Variants in HEXB observed in about 807,000 individuals in gnomAD.
HEXB encodes hexosaminidase subunit beta.
In HEXB, 51 loss-of-function variants were observed where a neutral mutation model predicts 71.2. The ratio of observed to expected loss-of-function variants is 0.72; its 90% CI spans 0.57 to 0.90. HEXB has a LOEUF of 0.90. Ranked by LOEUF, HEXB falls within the 40% of genes least tolerant of loss-of-function variation. The pLI is 0.00. For missense variants in HEXB, 617 were observed against 677.0 expected (o/e 0.91, Z 0.98); for synonymous variants, 266 against 249.3 (o/e 1.07, Z -0.63).
At chr5:74,663,782 A>T (rs1748376103) in intron 1 of HEXB, among the ~76,000 whole-genome samples, 1 of 152,208 alleles carries the variant, frequency 6.6e-6, no homozygotes. Flanking sequence ...AAAGACCCAG[A>T]TAGAGAAATA....
chr5:74,675,255 A>G (rs1275969253), intron 1 of HEXB, among the ~76,000 whole-genome samples: 1 of 152,194 alleles, frequency 6.6e-6, no homozygotes, highest in African/African-American at 2.4e-5. Context: ...AAATTTAATC[A>G]GGTATCGAGA....
At chr5:74,654,610 G>C (rs1320181795) in intron 1 of HEXB, among the ~76,000 whole-genome samples, 1 of 152,192 alleles carries the variant, frequency 6.6e-6, no homozygotes, top group Non-Finnish European at 1.5e-5. Flanking sequence ...TTCAGGAGGA[G>C]GTGATTTCTG....
intron 1 of HEXB, among the ~76,000 whole-genome samples, chr5:74,673,949 T>C (rs1748585099): frequency 6.6e-6 from 1 of 152,160 alleles, no homozygotes; most frequent in African/African-American, 2.4e-5. Context: ...TCTGTCAATC[T>C]ACAATAATCA....
chr5:74,644,308 C>T (rs1263599440), intron 1 of HEXB, among the ~76,000 whole-genome samples: 1 of 152,202 alleles, frequency 6.6e-6, no homozygotes, highest in African/African-American at 2.4e-5. Context: ...TTGCTGAATG[C>T]AGCTTGCCCA....
chr5:74,656,300 G>T (rs1295414191), intron 1 of HEXB, among the ~76,000 whole-genome samples: 1 of 151,956 alleles, frequency 6.6e-6, no homozygotes, highest in African/African-American at 2.4e-5. Flanking sequence ...CCAACATGGT[G>T]AAACTCCGTC....
chr5:74,649,230 C>A (rs1040382792), intron 1 of HEXB, among the ~76,000 whole-genome samples: 4 of 152,154 alleles, frequency 2.6e-5, no homozygotes, highest in Non-Finnish European at 5.9e-5. Flanking sequence ...GAGGGCACAG[C>A]TGGGTCATGT....
chr5:74,672,256 C>T (rs552656392), intron 1 of HEXB, among the ~76,000 whole-genome samples: 4 of 152,338 alleles, frequency 2.6e-5, no homozygotes, highest in African/African-American at 9.6e-5. Flanking sequence ...TAGGGCAGCC[C>T]TCCAGGGAAG....
chr5:74,715,214 AT>A (rs1410226406), intron 7 of HEXB, among the ~76,000 whole-genome samples: 3 of 152,206 alleles, frequency 2.0e-5, no homozygotes, highest in Non-Finnish European at 4.4e-5. Context: ...CCAGCAGGGA[AT>A]TTGAAATATG....
At chr5:74,671,905 T>C (rs922047299) in intron 1 of HEXB, among the ~76,000 whole-genome samples, 1 of 152,132 alleles carries the variant, frequency 6.6e-6, no homozygotes, top group Admixed American at 6.5e-5. Flanking sequence ...GACTCCTTGG[T>C]GAATGCTAGG....
chr5:74,656,661 G>C (rs972260488), intron 1 of HEXB, among the ~76,000 whole-genome samples: 4 of 152,188 alleles, frequency 2.6e-5, no homozygotes, highest in Admixed American at 1.3e-4. Context: ...CTGTAGTGCA[G>C]TGGCATGATC....
intron 3 of HEXB, among the ~76,000 whole-genome samples, chr5:74,695,273 A>T (rs1389043779): frequency 7.3e-6 from 1 of 137,810 alleles, no homozygotes; most frequent in Non-Finnish European, 1.5e-5. Flanking sequence ...GTGAAATCTC[A>T]GCTCACTGCA....
intron 6 of HEXB, among the ~76,000 whole-genome samples, chr5:74,710,553 C>G (rs897131986): frequency 6.6e-6 from 1 of 152,116 alleles, no homozygotes; most frequent in Non-Finnish European, 1.5e-5. Context: ...TGTCTCAGCC[C>G]AAAATCTCCT....
chr5:74,678,854 G>A (rs1748683887), intron 1 of HEXB, among the ~76,000 whole-genome samples: 1 of 151,994 alleles, frequency 6.6e-6, no homozygotes, highest in South Asian at 2.1e-4. Flanking sequence ...AATCACTAGA[G>A]AAAAGAAAAC....
At chr5:74,644,936 T>G (rs2112065442) in intron 1 of HEXB, among the ~76,000 whole-genome samples, 1 of 151,846 alleles carries the variant, frequency 6.6e-6, no homozygotes, top group African/African-American at 2.4e-5. Flanking sequence ...CACATCCGGC[T>G]AATTTTTGTA....
At chr5:74,655,383 C>CT (rs11403108) in intron 1 of HEXB, among the ~76,000 whole-genome samples, 38,462 of 149,190 alleles carry the variant, frequency 0.26, 5,284 homozygotes, top group Admixed American at 0.37. Context: ...GGCACGATCT[C>CT]GCCACTGCAA....
exon 1 of HEXB, chr5:74,640,543 T>C (rs1554031079): frequency 6.6e-6 from 1 of 152,174 alleles, no homozygotes; most frequent in Non-Finnish European, 1.5e-5. Context: ...GCAGAGCGTC[T>C]CCGGAGCGCG....
At chr5:74,643,062 A>G (rs931005405) in intron 1 of HEXB, among the ~76,000 whole-genome samples, 5 of 152,160 alleles carry the variant, frequency 3.3e-5, no homozygotes, top group Non-Finnish European at 5.9e-5. Context: ...ACTGGAAAAC[A>G]TTTTCCTGCT....
chr5:74,696,571 G>T (rs1749117024), intron 3 of HEXB, 122 bp from the exon 4 acceptor site: 1 of 639,394 alleles, frequency 1.6e-6, no homozygotes, highest in African/African-American at 1.8e-5. Context: ...AGAGGATAGA[G>T]GTATAACACT....
intron 5 of HEXB, among the ~76,000 whole-genome samples, chr5:74,700,318 T>G (rs1749233082): frequency 6.6e-6 from 1 of 151,952 alleles, no homozygotes; most frequent in African/African-American, 2.4e-5. Flanking sequence ...GTAAGTTTAT[T>G]TTCTATGTTT....
Sources: allele counts gnomAD v4.1 joint callset (sites outside exome capture counted in the v4.1 genomes callset), GRCh38; gene constraint gnomAD v4.1.1; transcripts MANE v1.5; gene names NCBI Gene and HGNC (gene_info 2026-07-23, HGNC 2026-07-21).